Variants in FILIP1L observed in about 807,000 individuals in gnomAD.
FILIP1L encodes filamin A-interacting protein 1-like.
In FILIP1L, 55 loss-of-function variants were observed where a neutral mutation model predicts 96.6. That is an observed-to-expected ratio of 0.57 (90% CI 0.46 to 0.71). FILIP1L has a LOEUF of 0.71. Among genes scored for constraint, FILIP1L ranks in the 30% least tolerant of loss-of-function variants. The probability of loss-of-function intolerance (pLI) is 0.00; values close to 1 mark genes in which losing one functional copy is unlikely to be tolerated. For synonymous variants in FILIP1L, 467 were observed against 473.9 expected (o/e 0.99, Z 0.19); for missense variants, 1,304 against 1,321.2 (o/e 0.99, Z 0.20).
chr3:100,013,609 A>G (rs1710231057), intron 1 of FILIP1L, among the ~76,000 whole-genome samples: 6 of 152,158 alleles, frequency 3.9e-5, no homozygotes, highest in Admixed American at 3.9e-4. Flanking sequence ...ATAACAGAAA[A>G]TGAATGACCA....
chr3:100,063,965 T>G (rs2107352109), intron 1 of FILIP1L, among the ~76,000 whole-genome samples: 2 of 152,354 alleles, frequency 1.3e-5, no homozygotes, highest in South Asian at 2.1e-4. Flanking sequence ...CCAAACCCAT[T>G]GGTGCCAGTA....
intron 5 of FILIP1L, among the ~76,000 whole-genome samples, chr3:99,845,277 A>T (rs1429884516): frequency 1.3e-5 from 2 of 152,194 alleles, no homozygotes; most frequent in Non-Finnish European, 2.9e-5. Flanking sequence ...ATTGCTTTTA[A>T]ATAGAAAAAA....
At chr3:100,100,343 A>G (rs972983262) in intron 1 of FILIP1L, among the ~76,000 whole-genome samples, 4 of 152,198 alleles carry the variant, frequency 2.6e-5, no homozygotes, top group Admixed American at 1.3e-4. Context: ...CATTTGTTGA[A>G]CACCTAGAAT....
chr3:99,965,907 G>T (rs975932319), intron 1 of FILIP1L, among the ~76,000 whole-genome samples: 1 of 152,084 alleles, frequency 6.6e-6, no homozygotes, highest in Non-Finnish European at 1.5e-5. Context: ...GACCATTTCT[G>T]TACATAAGGC....
chr3:100,113,126 A>G (rs1472279884), intron 1 of FILIP1L, among the ~76,000 whole-genome samples: 3 of 152,230 alleles, frequency 2.0e-5, no homozygotes, highest in Non-Finnish European at 2.9e-5. Context: ...TGAACAGATA[A>G]TGAATAAAGA....
chr3:100,018,071 G>C (rs1438376343), intron 1 of FILIP1L, among the ~76,000 whole-genome samples: 5 of 152,172 alleles, frequency 3.3e-5, no homozygotes, highest in African/African-American at 1.2e-4. Flanking sequence ...GCTCACGCCT[G>C]TAATCTCAGC....
At chr3:99,970,749 A>T (rs1283005500) in intron 1 of FILIP1L, among the ~76,000 whole-genome samples, 1 of 152,198 alleles carries the variant, frequency 6.6e-6, no homozygotes, top group Non-Finnish European at 1.5e-5. Context: ...GTGCTACGAT[A>T]GACCTCAAAG....
chr3:99,896,831 G>A (rs992196295), intron 4 of FILIP1L, among the ~76,000 whole-genome samples: 1 of 152,088 alleles, frequency 6.6e-6, no homozygotes, highest in African/African-American at 2.4e-5. Context: ...CTAATAAATT[G>A]AAAGCACAGT....
At chr3:99,848,123 A>G in intron 5 of FILIP1L, 172 bp downstream of exon 5, 1 of 1,472,640 alleles carries the variant, frequency 6.8e-7, no homozygotes, top group Non-Finnish European at 9.0e-7. Flanking sequence ...CTATGCAGGC[A>G]ACAGTTAGTT....
chr3:99,891,786 C>G (rs1706090182), intron 4 of FILIP1L, among the ~76,000 whole-genome samples: 1 of 152,150 alleles, frequency 6.6e-6, no homozygotes, highest in Admixed American at 6.5e-5. Flanking sequence ...GCTCAGCTTA[C>G]TAATAAGCCA....
rs755339453 is a variant in FILIP1L, at chr3:99,850,849, A to G, written c.827T>C (p.Leu276Pro). 1.9e-6 allele frequency: 3 copies of G among 1,613,958 alleles called. No homozygotes were observed. The highest frequency in any genetic ancestry group is 2.7e-5 in the African/African-American group (2 of 74,882). Reference protein sequence around the residue: ...NAKETHTKLALAEARVQEEEQ... With the variant: ...NAKETHTKLAPAEARVQEEEQ... ...TTCCTCCTGAACTCTGGCTTCAGCA[A>G]GGGCTAGTTTGGTATGTGTTTCCTT... The change falls in exon 5 of 6, where the codon CTT becomes CCT. Residue 276 changes from leucine (L) to proline (P), a missense_variant. Coordinates refer to ENST00000477258, the MANE Select transcript of FILIP1L (RefSeq NM_001387850.1).
rs567614666 is a variant in FILIP1L at position 99,899,027 on chromosome 3, G to GA, written c.605+25202dup. ...CTGAGAAGGCTGGAACACACATACT[G>GA]AAAAAAAAATGTGGTTATTCCTCCT... is the stretch of plus-strand genomic sequence containing the variant. On this transcript the variant is annotated intron_variant, in intron 4 of 5. Coordinates refer to ENST00000477258, the MANE Select transcript of FILIP1L (RefSeq NM_001387850.1). Among the ~76,000 whole-genome samples the GA allele has an allele frequency of 4.9e-3, 744 of 150,660 alleles. 3 individuals are homozygous for GA. The highest frequency in any genetic ancestry group is 7.9e-3 in the Non-Finnish European group (537 of 67,548).
intron 1 of FILIP1L, among the ~76,000 whole-genome samples, chr3:99,973,760 T>C (rs1253375540): frequency 2.6e-5 from 4 of 152,200 alleles, no homozygotes; most frequent in African/African-American, 9.6e-5. Context: ...TTGGGTAGCT[T>C]TATAATGAAG....
chr3:99,845,119 T>A (rs1446196177), intron 5 of FILIP1L, among the ~76,000 whole-genome samples: 1 of 152,196 alleles, frequency 6.6e-6, no homozygotes, highest in Non-Finnish European at 1.5e-5. Context: ...AATTTTATCA[T>A]GATCTTGATT....
At chr3:99,883,238 A>G (rs369281080) in intron 4 of FILIP1L, among the ~76,000 whole-genome samples, 10 of 152,332 alleles carry the variant, frequency 6.6e-5, no homozygotes, top group East Asian at 5.8e-4. Flanking sequence ...CAGCAAGTCC[A>G]TTCCATTCCA....
chr3:99,831,438 A>G (rs748386937), intron 5 of FILIP1L, among the ~76,000 whole-genome samples: 12 of 152,358 alleles, frequency 7.9e-5, no homozygotes, highest in Admixed American at 2.0e-4. Context: ...TATAGTAAGT[A>G]TGCTATGAGA....
At chr3:100,002,667 A>C (rs1221596983) in intron 1 of FILIP1L, among the ~76,000 whole-genome samples, 1 of 152,212 alleles carries the variant, frequency 6.6e-6, no homozygotes, top group Non-Finnish European at 1.5e-5. Flanking sequence ...ATGAAATTAC[A>C]TAGCTAAAAA....
At chr3:99,840,066 G>A (rs1214351417) in intron 5 of FILIP1L, among the ~76,000 whole-genome samples, 1 of 152,090 alleles carries the variant, frequency 6.6e-6, no homozygotes, top group Non-Finnish European at 1.5e-5. Context: ...GTAGAAGCCA[G>A]GGATGCTCCT....
At chr3:99,983,434 A>C (rs1278593994) in intron 1 of FILIP1L, among the ~76,000 whole-genome samples, 1 of 67,820 alleles carries the variant, frequency 1.5e-5, no homozygotes, top group Non-Finnish European at 2.8e-5. Context: ...GTATGTATGT[A>C]TATATATGTA....
Sources: gnomAD v4.1 joint callset for allele counts (sites outside exome capture counted in the v4.1 genomes callset) on GRCh38, gnomAD v4.1.1 for gene constraint, MANE v1.5 for transcripts, NCBI Gene and HGNC (gene_info 2026-07-23, HGNC 2026-07-21) for gene names.